DENND2A: variants seen among roughly 807,000 people sequenced by gnomAD.
DENND2A encodes the protein DENN domain-containing protein 2A.
In DENND2A, 53 loss-of-function variants were observed where a neutral mutation model predicts 105.3. The ratio of observed to expected loss-of-function variants is 0.50; its 90% CI spans 0.40 to 0.63. DENND2A has a LOEUF of 0.63. Among genes scored for constraint, DENND2A ranks in the 30% least tolerant of loss-of-function variants. DENND2A has a pLI of 0.00. For synonymous variants in DENND2A, 522 were observed against 508.4 expected, an observed-to-expected ratio of 1.03 and a Z score of -0.36; for missense variants, 1,138 against 1,279.6, an observed-to-expected ratio of 0.89 and a Z score of 1.69.
intron 12 of DENND2A, 73 bp downstream of exon 12, chr7:140,555,563 G>C: frequency 9.2e-6 from 12 of 1,306,114 alleles, no homozygotes; most frequent in Non-Finnish European, 1.3e-5. Flanking sequence ...CCAGGACATG[G>C]GGGTATTCCC....
chr7:140,605,191 C>T (rs895807778), intron 2 of DENND2A, among the ~76,000 whole-genome samples: 1 of 152,182 alleles, frequency 6.6e-6, no homozygotes, highest in Non-Finnish European at 1.5e-5. Context: ...TTCTAGAGTT[C>T]CTGTTTCCAG....
intron 13 of DENND2A, among the ~76,000 whole-genome samples, chr7:140,545,192 A>C (rs574941016): frequency 2.8e-4 from 43 of 152,238 alleles, no homozygotes; most frequent in African/African-American, 9.9e-4. Context: ...AGGAACTGTT[A>C]CCTGCTAGGT....
At chr7:140,521,758 T>C in intron 18 of DENND2A, 97 bp downstream of exon 18, 1 of 1,553,668 alleles carries the variant, frequency 6.4e-7, no homozygotes, top group Non-Finnish European at 8.7e-7. Context: ...CAGTCCTGTC[T>C]GTGCCCCTGC....
In DENND2A at chr7:140,617,387, T is replaced by A. The variant is rs991575713; in HGVS notation, c.-247-11581A>T. Among the ~76,000 whole-genome samples the A allele has an allele frequency of 2.6e-5, 4 of 152,208 alleles. No individual in the cohort carries two copies. The East Asian group carries it at 5.8e-4, about 22-fold the overall frequency. ...GCATCAACGGAGTAATTTCAGGAAT[T>A]TCTGTCCTTATAAATACTCAGTCAT... On this transcript the variant is annotated intron_variant, in intron 1 of 19. Coordinates refer to ENST00000496613, the MANE Select transcript of DENND2A (RefSeq NM_015689.5).
chr7:140,576,483 T>C (rs1233750585), intron 5 of DENND2A, among the ~76,000 whole-genome samples: 1 of 152,234 alleles, frequency 6.6e-6, no homozygotes, highest in East Asian at 1.9e-4. Flanking sequence ...CTTATCCTTG[T>C]TCTATTTAAT....
At chr7:140,612,660 C>T (rs1799943005) in intron 1 of DENND2A, among the ~76,000 whole-genome samples, 1 of 152,068 alleles carries the variant, frequency 6.6e-6, no homozygotes, top group Non-Finnish European at 1.5e-5. Flanking sequence ...TACCACCACA[C>T]CTGGCTAATT....
intron 3 of DENND2A, among the ~76,000 whole-genome samples, chr7:140,593,928 G>A (rs1799171255): frequency 6.7e-6 from 1 of 150,052 alleles, no homozygotes. Context: ...TTTCTGAGAT[G>A]GAGTTTCACT....
chr7:140,558,119 A>C, intron 11 of DENND2A, 24 bp downstream of exon 11: 1 of 1,607,176 alleles, frequency 6.2e-7, no homozygotes. Context: ...AGGCTCTTGC[A>C]GGCTGAAAGC....
intron 3 of DENND2A, among the ~76,000 whole-genome samples, chr7:140,597,755 G>C (rs1373516133): frequency 6.6e-6 from 1 of 152,212 alleles, no homozygotes; most frequent in Non-Finnish European, 1.5e-5. Context: ...GTCCCTGGGG[G>C]TGTGGGACCT....
At chr7:140,610,851 C>T (rs1799870087) in intron 1 of DENND2A, among the ~76,000 whole-genome samples, 1 of 152,170 alleles carries the variant, frequency 6.6e-6, no homozygotes, top group Non-Finnish European at 1.5e-5. Context: ...CCGGCAGCTC[C>T]TTTAGAATCC....
rs775147801 is a variant in DENND2A, at chr7:140,601,483, C to T, written c.915G>A (p.Pro305=). Residue 305 remains proline (P), a synonymous_variant, in exon 3 of 20, where the codon CCG becomes CCA. Coordinates refer to ENST00000496613, the MANE Select transcript of DENND2A (RefSeq NM_015689.5). The stretch of plus-strand genomic sequence containing the variant: ...AAGGTGGGGGAGAGGAGGGCAGAGG[C>T]GGGGGAGGTAGAGAGGGCAGAGGAG... ...NLPPLPSLPP[P]PLPSSPPPSS... 8 of 1,613,376 alleles carry T rather than the reference C, an allele frequency of 5.0e-6. No homozygotes were observed. The highest frequency in any genetic ancestry group is 3.3e-5 in the Admixed American group (2 of 59,922).
At chr7:140,589,994 T>G (rs145591684) in intron 3 of DENND2A, among the ~76,000 whole-genome samples, 3 of 152,198 alleles carry the variant, frequency 2.0e-5, no homozygotes, top group Non-Finnish European at 4.4e-5. Context: ...AAATAACATC[T>G]GAATCTTTAA....
At chr7:140,541,952 G>A (rs751529794) in intron 14 of DENND2A, among the ~76,000 whole-genome samples, 1 of 152,228 alleles carries the variant, frequency 6.6e-6, no homozygotes, top group African/African-American at 2.4e-5. Context: ...CCACATCTAC[G>A]GAGTTTGTCC....
At chr7:140,625,780 G>T (rs1800501400) in intron 1 of DENND2A, among the ~76,000 whole-genome samples, 1 of 152,172 alleles carries the variant, frequency 6.6e-6, no homozygotes, top group African/African-American at 2.4e-5. Flanking sequence ...TATAAGAAAA[G>T]AAGAAAAAGT....
chr7:140,632,335 C>T (rs1490684358), intron 1 of DENND2A, among the ~76,000 whole-genome samples: 3 of 152,140 alleles, frequency 2.0e-5, no homozygotes, highest in South Asian at 2.1e-4. Context: ...TGGCTTCCTC[C>T]CCTTCCCTAA....
chr7:140,600,174 A>G (rs961950277), intron 3 of DENND2A, among the ~76,000 whole-genome samples: 1 of 151,534 alleles, frequency 6.6e-6, no homozygotes, highest in Non-Finnish European at 1.5e-5. Flanking sequence ...GGTGGCCTGG[A>G]TGGAGAACTT....
intron 9 of DENND2A, among the ~76,000 whole-genome samples, chr7:140,566,080 T>G (rs1797823515): frequency 1.3e-5 from 2 of 152,092 alleles, no homozygotes; most frequent in Non-Finnish European, 2.9e-5. Flanking sequence ...ATTCTTTCAT[T>G]CCTTTACTTT....
intron 5 of DENND2A, among the ~76,000 whole-genome samples, chr7:140,580,164 G>A (rs1488197015): frequency 6.6e-6 from 1 of 151,984 alleles, no homozygotes; most frequent in African/African-American, 2.4e-5. Context: ...ATAAAGAAAA[G>A]TAAAATTCCC....
intron 6 of DENND2A, among the ~76,000 whole-genome samples, chr7:140,571,981 T>A (rs1798110088): frequency 2.6e-5 from 1 of 38,336 alleles, no homozygotes. Context: ...AGCAGAACCA[T>A]CTCTCTCTCT....
Sources: gnomAD v4.1 joint callset for allele counts (sites outside exome capture counted in the v4.1 genomes callset) on GRCh38, gnomAD v4.1.1 for gene constraint, MANE v1.5 for transcripts, NCBI Gene and HGNC (gene_info 2026-07-23, HGNC 2026-07-21) for gene names.